LDLRAD4: variants seen among roughly 807,000 people sequenced by gnomAD.
LDLRAD4 encodes the protein low density lipoprotein receptor class A domain containing 4, also known as low-density lipoprotein receptor class A domain-containing protein 4.
In LDLRAD4, 5 loss-of-function variants were observed where a neutral mutation model predicts 17.0. That is an observed-to-expected ratio of 0.29 (90% CI 0.15 to 0.62). The LOEUF (loss-of-function observed/expected upper bound fraction) is 0.62. Among genes scored for constraint, LDLRAD4 ranks in the 20% least tolerant of loss-of-function variants. The pLI is 0.84. For synonymous variants in LDLRAD4, 168 were observed against 171.8 expected (o/e 0.98, Z 0.17); for missense variants, 340 against 424.7 (o/e 0.80, Z 1.75).
rs144373227 is a variant in LDLRAD4 at position 13,438,018 on chromosome 18, G to A, written c.41-226G>A. ...GAGTGAGGCGTGCAAGGTGGGCCTC[G>A]GTGCCCCTGTGGAGTGCAGGAGGGC... On this transcript the variant is annotated intron_variant, in intron 2 of 5. Coordinates refer to ENST00000359446, the Ensembl canonical transcript of LDLRAD4. 3.7e-3 allele frequency among the ~76,000 whole-genome samples: 561 copies of A among 152,284 alleles called. 6 individuals are homozygous for A. The highest frequency in any genetic ancestry group is 0.013 in the African/African-American group (545 of 41,558).
At chr18:13,461,513 A>T (rs1568193143) in intron 3 of LDLRAD4, 1 of 152,248 alleles carries the variant, frequency 6.6e-6, no homozygotes, top group Non-Finnish European at 1.5e-5. Context: ...AGGAAAGAAT[A>T]AAGCAACAAA....
chr18:13,517,158 T>C (rs773382899), intron 3 of LDLRAD4, among the ~76,000 whole-genome samples: 7 of 152,224 alleles, frequency 4.6e-5, no homozygotes, highest in Non-Finnish European at 1.0e-4. Flanking sequence ...GCCTGGCATC[T>C]CTTTTAAAAA....
intron 4 of LDLRAD4, among the ~76,000 whole-genome samples, chr18:13,636,256 T>G (rs1326354598): frequency 1.3e-5 from 2 of 152,088 alleles, no homozygotes; most frequent in East Asian, 1.9e-4. Context: ...CAGTCTGTCC[T>G]GCTGAACCCA....
chr18:13,599,942 T>G (rs1483325000), intron 3 of LDLRAD4, among the ~76,000 whole-genome samples: 1 of 152,222 alleles, frequency 6.6e-6, no homozygotes, highest in Non-Finnish European at 1.5e-5. Flanking sequence ...TATCTTTATA[T>G]TCTATAAATA....
chr18:13,275,799 G>A (rs1253053764), upstream of LDLRAD4, among the ~76,000 whole-genome samples: 4 of 152,070 alleles, frequency 2.6e-5, no homozygotes, highest in Non-Finnish European at 1.5e-5. Flanking sequence ...CCTCCCATGT[G>A]CCACATACTC....
intron 3 of LDLRAD4, among the ~76,000 whole-genome samples, chr18:13,506,570 C>T (rs1275557868): frequency 1.3e-5 from 2 of 152,144 alleles, no homozygotes; most frequent in African/African-American, 2.4e-5. Flanking sequence ...GCATTCTGTA[C>T]ATGAAAAACA....
chr18:13,526,473 G>C (rs923593928), intron 3 of LDLRAD4: 1 of 152,186 alleles, frequency 6.6e-6, no homozygotes, highest in Non-Finnish European at 1.5e-5. Flanking sequence ...CAATTAAAAA[G>C]TCTCTCACAT....
chr18:13,374,342 C>G (rs138212447), intron 1 of LDLRAD4, among the ~76,000 whole-genome samples: 2 of 152,230 alleles, frequency 1.3e-5, no homozygotes, highest in African/African-American at 4.8e-5. Context: ...GGAGCAAGCT[C>G]TCATGCAGGA....
At chr18:13,625,607 G>T (rs957149308) in intron 4 of LDLRAD4, among the ~76,000 whole-genome samples, 5 of 152,242 alleles carry the variant, frequency 3.3e-5, no homozygotes, top group African/African-American at 1.2e-4. Flanking sequence ...TCCTGAGGGA[G>T]TGCCCAGCTC....
intron 2 of LDLRAD4, among the ~76,000 whole-genome samples, chr18:13,393,981 T>C (rs1054385577): frequency 1.6e-4 from 24 of 152,198 alleles, no homozygotes; most frequent in African/African-American, 5.8e-4. Flanking sequence ...TTGTGATGTG[T>C]ACAGGAGAAG....
chr18:13,242,052 G>A (rs562346356), intron 1 of LDLRAD4: 2 of 152,330 alleles, frequency 1.3e-5, no homozygotes, highest in African/African-American at 4.8e-5. Context: ...GAACCCTCCA[G>A]GGTGATGTGA....
chr18:13,517,638 C>A (rs1225029163), intron 3 of LDLRAD4, among the ~76,000 whole-genome samples: 2 of 152,224 alleles, frequency 1.3e-5, no homozygotes, highest in Non-Finnish European at 2.9e-5. Flanking sequence ...GTGCAGTTTG[C>A]AGTTGTTGAA....
intron 2 of LDLRAD4, among the ~76,000 whole-genome samples, chr18:13,434,979 G>C (rs936600832): frequency 1.3e-5 from 2 of 152,228 alleles, no homozygotes; most frequent in Admixed American, 1.3e-4. Flanking sequence ...GATAGGACCT[G>C]TCTGGGACTC....
At chr18:13,611,933 C>G (rs1391815132) in intron 3 of LDLRAD4, 1 of 985,340 alleles carries the variant, frequency 1.0e-6, no homozygotes, top group African/African-American at 1.7e-5. Flanking sequence ...GAGGACAGCC[C>G]GCAGCCTGGC....
At chr18:13,447,481 T>TA (rs1297023939) in intron 3 of LDLRAD4, among the ~76,000 whole-genome samples, 1 of 152,160 alleles carries the variant, frequency 6.6e-6, no homozygotes, top group African/African-American at 2.4e-5. Context: ...AATGGGAGGG[T>TA]AAGTTTTAAT....
At chr18:13,421,732 G>A (rs532715145) in intron 2 of LDLRAD4, among the ~76,000 whole-genome samples, 35 of 152,188 alleles carry the variant, frequency 2.3e-4, no homozygotes, top group Middle Eastern at 3.2e-3. Context: ...CCTAAGTGCC[G>A]TTTGTAGAAT....
At chr18:13,641,749 C>G in intron 4 of LDLRAD4, 2 of 985,260 alleles carry the variant, frequency 2.0e-6, no homozygotes, top group Non-Finnish European at 2.4e-6. Context: ...GGCGCTGGGT[C>G]AGCCGAGGGC....
At chr18:13,573,246 A>G (rs1250412617) in intron 3 of LDLRAD4, among the ~76,000 whole-genome samples, 1 of 152,188 alleles carries the variant, frequency 6.6e-6, no homozygotes, top group Non-Finnish European at 1.5e-5. Context: ...CTGGGATTAC[A>G]GGTACCCACC....
chr18:13,451,644 A>T (rs532322868), intron 3 of LDLRAD4, among the ~76,000 whole-genome samples: 1 of 152,318 alleles, frequency 6.6e-6, no homozygotes, highest in East Asian at 1.9e-4. Flanking sequence ...TGTGCATCTT[A>T]CATGTCTGGA....
Sources: allele counts gnomAD v4.1 joint callset (sites outside exome capture counted in the v4.1 genomes callset), GRCh38; gene constraint gnomAD v4.1.1; transcripts MANE v1.5; gene names NCBI Gene and HGNC (gene_info 2026-07-23, HGNC 2026-07-21).